The following OTOGL variants were observed in gnomAD, a reference collection of about 807,000 sequenced individuals.
OTOGL encodes otogelin like.
Under a neutral mutation model 318.5 loss-of-function variants are expected in OTOGL, and 285 were observed. The observed-to-expected ratio is 0.89, with a 90% CI of 0.81 to 0.99. The LOEUF (loss-of-function observed/expected upper bound fraction) is 0.99, where lower values mean the gene tolerates loss of function less well. Among genes scored for constraint, OTOGL ranks in the 50% least tolerant of loss-of-function variants. OTOGL has a pLI of 0.00. For missense variants in OTOGL, 2,899 were observed against 2,845.6 expected, an observed-to-expected ratio of 1.02 and a Z score of -0.43; for synonymous variants, 987 against 936.5, an observed-to-expected ratio of 1.05 and a Z score of -0.99.
intron 28 of OTOGL, 40 bp downstream of exon 28, chr12:80,302,823 A>G: frequency 5.8e-6 from 8 of 1,389,378 alleles, no homozygotes; most frequent in Non-Finnish European, 7.5e-6. Context: ...TAATGAATAA[A>G]ATCACATTTA....
chr12:80,293,106 T>G (rs527599655), intron 26 of OTOGL, among the ~76,000 whole-genome samples: 1 of 152,332 alleles, frequency 6.6e-6, no homozygotes, highest in African/African-American at 2.4e-5. Context: ...AAACCTTTAC[T>G]CTTTGGTAGA....
rs563216967 is a variant in OTOGL at position 80,274,328 on chromosome 12, A to G, written c.2681+2518A>G. 2.6e-5 allele frequency among the ~76,000 whole-genome samples: 4 copies of G among 152,192 alleles called. 1 individual carries two copies. Among genetic ancestry groups the G allele is most frequent in the African/African-American group, 9.6e-5 (4 of 41,562 alleles). On this transcript the variant is annotated intron_variant, in intron 24 of 58. Transcript: ENST00000547103. Reference sequence around the variant, plus strand: ...TAAGAAAGCAAAGCAGCTAGCTGTTATGGAGAAAGTTTTAGTAGTCTGGAT... The same window carrying G: ...TAAGAAAGCAAAGCAGCTAGCTGTTGTGGAGAAAGTTTTAGTAGTCTGGAT...
At chr12:80,280,668 A>T (rs569889853) in intron 26 of OTOGL, among the ~76,000 whole-genome samples, 1 of 151,938 alleles carries the variant, frequency 6.6e-6, no homozygotes, top group South Asian at 2.1e-4. Flanking sequence ...TTGTGCCAGT[A>T]CCATGCTGTT....
At chr12:80,212,019 G>C (rs1285307623) in intron 4 of OTOGL, 22 bp downstream of exon 4, 1 of 1,546,340 alleles carries the variant, frequency 6.5e-7, no homozygotes, top group East Asian at 2.3e-5. Context: ...TTCAGGTGGA[G>C]AGAGAGGCAG....
intron 8 of OTOGL, among the ~76,000 whole-genome samples, chr12:80,231,715 A>T (rs1592580228): frequency 6.6e-6 from 1 of 151,810 alleles, no homozygotes; most frequent in Non-Finnish European, 1.5e-5. Context: ...GCTCACCACA[A>T]CCTCTGCCTC....
At chr12:80,298,831 G>A (rs1885579302) in intron 27 of OTOGL, among the ~76,000 whole-genome samples, 1 of 152,062 alleles carries the variant, frequency 6.6e-6, no homozygotes, top group Admixed American at 6.6e-5. Context: ...TAGATGAGGG[G>A]GCTGAGTCCA....
chr12:80,278,516 G>C (rs942441375), intron 25 of OTOGL, among the ~76,000 whole-genome samples: 4 of 151,048 alleles, frequency 2.6e-5, no homozygotes, highest in African/African-American at 9.7e-5. Context: ...AATTTTAATA[G>C]GAAAAAATAT....
At chr12:80,182,326 A>C (rs1293385905) in intron 1 of OTOGL, among the ~76,000 whole-genome samples, 1 of 152,224 alleles carries the variant, frequency 6.6e-6, no homozygotes, top group African/African-American at 2.4e-5. Context: ...CACAGCTCAA[A>C]GTGAAAACTT....
At chr12:80,323,123 CACACACACACACACACACACACACAT>C (rs1386577239) in intron 34 of OTOGL, among the ~76,000 whole-genome samples, 18 of 123,902 alleles carry the variant, frequency 1.5e-4, no homozygotes, top group African/African-American at 2.1e-4. Context: ...CACACACACA[CACACACACACACACACACACACACAT>C]ATATAAAATA....
intron 56 of OTOGL, chr12:80,370,924 T>C: frequency 4.3e-6 from 1 of 234,554 alleles, no homozygotes; most frequent in Non-Finnish European, 8.0e-6. Context: ...TTTTTATCTG[T>C]AGATCCAAAG....
intron 55 of OTOGL, among the ~76,000 whole-genome samples, chr12:80,369,133 A>G (rs1027004824): frequency 1.3e-5 from 2 of 152,046 alleles, no homozygotes; most frequent in African/African-American, 2.4e-5. Flanking sequence ...AATGACATTT[A>G]TAAATTTAAC....
At chr12:80,185,849 C>T (rs1162897695) in intron 1 of OTOGL, among the ~76,000 whole-genome samples, 1 of 152,088 alleles carries the variant, frequency 6.6e-6, no homozygotes, top group Non-Finnish European at 1.5e-5. Context: ...TGATTAATTG[C>T]TGCTTATTCT....
At chr12:80,106,551 G>A (rs1869465364) in intron 1 of OTOGL, among the ~76,000 whole-genome samples, 1 of 151,862 alleles carries the variant, frequency 6.6e-6, no homozygotes, top group South Asian at 2.1e-4. Context: ...AGATTTTCAG[G>A]CAACTGGCAC....
At chr12:80,150,318 AAT>A (rs1428241662) in intron 1 of OTOGL, among the ~76,000 whole-genome samples, 1 of 152,228 alleles carries the variant, frequency 6.6e-6, no homozygotes, top group African/African-American at 2.4e-5. Context: ...ACAACAGAAT[AAT>A]GTGTTTCTTG....
chr12:80,212,350 T>C (rs1261537782), intron 4 of OTOGL, among the ~76,000 whole-genome samples: 2 of 152,066 alleles, frequency 1.3e-5, no homozygotes, highest in Non-Finnish European at 2.9e-5. Flanking sequence ...ATAATGTACA[T>C]GGAAAAAGGG....
chr12:80,304,736 CA>C (rs1885997205), intron 28 of OTOGL, among the ~76,000 whole-genome samples: 1 of 151,912 alleles, frequency 6.6e-6, no homozygotes, highest in South Asian at 2.1e-4. Context: ...TCCTTGTTTC[CA>C]GCAAGAATAG....
intron 1 of OTOGL, among the ~76,000 whole-genome samples, chr12:80,143,483 T>C (rs540374105): frequency 5.8e-4 from 88 of 152,280 alleles, no homozygotes; most frequent in East Asian, 1.2e-3. Context: ...GAAAGTGTTC[T>C]TCCTCTCTTT....
At chr12:80,301,299 T>C (rs1018151149) in intron 27 of OTOGL, among the ~76,000 whole-genome samples, 1 of 152,210 alleles carries the variant, frequency 6.6e-6, no homozygotes, top group Non-Finnish European at 1.5e-5. Context: ...ATAAAGAATA[T>C]TGTATATTCC....
chr12:80,177,895 C>G (rs1874633576), intron 1 of OTOGL, among the ~76,000 whole-genome samples: 2 of 152,080 alleles, frequency 1.3e-5, no homozygotes, highest in African/African-American at 2.4e-5. Flanking sequence ...CAGTAATACT[C>G]TTCTGAATAT....
Sources: allele counts gnomAD v4.1 joint callset (sites outside exome capture counted in the v4.1 genomes callset), GRCh38; gene constraint gnomAD v4.1.1; transcripts MANE v1.5; gene names NCBI Gene and HGNC (gene_info 2026-07-23, HGNC 2026-07-21).